NPTXR: variants seen among roughly 807,000 people sequenced by gnomAD.
NPTXR encodes the protein neuronal pentraxin receptor.
Under a neutral mutation model 32.2 loss-of-function variants are expected in NPTXR, and 12 were observed. The ratio of observed to expected loss-of-function variants is 0.37; its 90% CI spans 0.24 to 0.60. NPTXR has a LOEUF of 0.60. Ranked by LOEUF, NPTXR falls within the 20% of genes least tolerant of loss-of-function variation. NPTXR has a pLI of 0.66. For missense variants in NPTXR, 612 were observed against 682.9 expected, an observed-to-expected ratio of 0.90 and a Z score of 1.16; for synonymous variants, 323 against 315.8, an observed-to-expected ratio of 1.02 and a Z score of -0.24.
chr22:38,826,016 T>G, intron 3 of NPTXR, among the ~76,000 whole-genome samples: 1 of 152,092 alleles, frequency 6.6e-6, no homozygotes, highest in East Asian at 1.9e-4. Context: ...CTAATTTTTT[T>G]GTATTTTTAG....
At chr22:38,825,670 T>G (rs1237672544) in intron 3 of NPTXR, among the ~76,000 whole-genome samples, 2 of 151,910 alleles carry the variant, frequency 1.3e-5, no homozygotes, top group Admixed American at 1.3e-4. Flanking sequence ...GAACCAAGAC[T>G]CAAACCAGCA....
rs1232421458 is a variant in NPTXR, at chr22:38,843,873, C to T, written c.-15G>A. 9 of 990,166 alleles carry T rather than the reference C, an allele frequency of 9.1e-6. No individual in the cohort carries two copies. The highest frequency in any genetic ancestry group is 1.1e-5 in the Non-Finnish European group (9 of 835,774). 61.3% of individuals were successfully genotyped at this position (990,166 alleles called of 1,614,324 possible). On this transcript the variant is annotated 5_prime_UTR_variant, in exon 1 of 5. Transcript: ENST00000333039. This position sits in a 1 kb window ranked among gnomAD's most constrained non-coding sequence, Gnocchi z 5.3. ...AGGAACTTCAGCGTGAGGCGGGCGG[C>T]GGGGGCGCCCGAGGCCCCCGGCAGG...
chr22:38,822,494 G>T lies in NPTXR; in HGVS notation c.*115C>A. ...CAGGTGAGGGGAAATGGGAGGCACA[G>T]CCAGGAGTGGGGCAGGAGGGAAGGC... On this transcript the variant is annotated 3_prime_UTR_variant, in exon 5 of 5. Coordinates refer to ENST00000333039, the MANE Select transcript of NPTXR (RefSeq NM_014293.4). The T allele has an allele frequency of 2.3e-6, 2 of 879,352 alleles. No homozygotes were observed. The highest frequency in any genetic ancestry group is 3.6e-6 in the Non-Finnish European group (2 of 556,862). The allele number at this position is 879,352 out of a possible 1,614,324, so 54.5% of individuals were successfully genotyped here.
At chr22:38,832,839 C>T (rs1020356282) in intron 1 of NPTXR, among the ~76,000 whole-genome samples, 5 of 151,830 alleles carry the variant, frequency 3.3e-5, no homozygotes, top group Admixed American at 6.6e-5. Flanking sequence ...CTGCCTAACT[C>T]GAAGGCAAGC....
In NPTXR at chr22:38,843,479, T is replaced by TGCA. The variant is rs770429492; in HGVS notation, c.377_379dup (p.Leu126dup). On this transcript the variant is annotated inframe_insertion, in exon 1 of 5. Coordinates refer to ENST00000333039, the MANE Select transcript of NPTXR (RefSeq NM_014293.4). This position sits in a 1 kb window ranked among gnomAD's most constrained non-coding sequence, Gnocchi z 5.3. ...CTGGCGCAGCTGCTCGGCCGTGCTCTGCAGCAGCAGCAGCTCTTCGCGCTC... is the reference window on the plus strand; with the variant it reads ...CTGGCGCAGCTGCTCGGCCGTGCTCTGCAGCAGCAGCAGCAGCTCTTCGCGCTC... The TGCA allele has an allele frequency of 5.3e-6, 7 of 1,320,262 alleles. No homozygotes were observed. Among genetic ancestry groups the TGCA allele is most frequent in the Non-Finnish European group, 5.8e-6 (6 of 1,038,386 alleles). 81.8% of individuals were successfully genotyped at this position (1,320,262 alleles called of 1,614,324 possible).
At chr22:38,839,815 T>A (rs2093129431) in intron 1 of NPTXR, among the ~76,000 whole-genome samples, 1 of 152,110 alleles carries the variant, frequency 6.6e-6, no homozygotes. Context: ...AGAAACAACC[T>A]ACATCTCCAG....
In NPTXR at chr22:38,828,603, C is replaced by A. The variant is rs116466034; in HGVS notation, c.625-91G>T. The A allele has an allele frequency of 1.8e-3, 1,851 of 1,028,384 alleles. 19 individuals are homozygous for A. The African/African-American group carries it at 0.027, about 15-fold the overall frequency. The allele number at this position is 1,028,384 out of a possible 1,614,324, so 63.7% of individuals were successfully genotyped here. A position where few individuals can be genotyped will look rare whatever the true frequency, so the allele number is the denominator to read the frequency against. On this transcript the variant is annotated intron_variant, in intron 1 of 4. Coordinates refer to ENST00000333039, the MANE Select transcript of NPTXR (RefSeq NM_014293.4). ...TGCCTACCGCCCCTGCTCAGTGACC[C>A]CAGGGGAGCCTCAGCTTCCCCAGTA...
chr22:38,843,817 C>T lies in NPTXR; in HGVS notation c.42G>A (p.Ala14=). 9.8e-7 allele frequency: 1 copy of T among 1,019,254 alleles called. No individual in the cohort carries two copies. Among genetic ancestry groups the T allele is most frequent in the South Asian group, 3.9e-5 (1 of 25,654 alleles). The allele number at this position is 1,019,254 out of a possible 1,614,324, so 63.1% of individuals were successfully genotyped here. A position where few individuals can be genotyped will look rare whatever the true frequency, so the allele number is the denominator to read the frequency against. The change falls in exon 1 of 5, where the codon GCG becomes GCA. Residue 14 remains alanine (A), a synonymous_variant. Transcript: ENST00000333039. The surrounding 1 kb of genome is among the most constrained non-coding windows in gnomAD (Gnocchi z 5.3). ...TGATGCAGATGACGGCACCGAGGAA[C>T]GCCAGCATGCCCGCGGCCAGCAGCA... is the stretch of plus-strand genomic sequence containing the variant.
chr22:38,823,397 C>T, intron 3 of NPTXR, 135 bp from the exon 4 acceptor site: 1 of 699,358 alleles, frequency 1.4e-6, no homozygotes, highest in Non-Finnish European at 2.4e-6. Flanking sequence ...CCTCTCCATC[C>T]TCCTGCCCAG....
In NPTXR at chr22:38,823,076, G is replaced by A; in HGVS notation, c.1278+7C>T. 1 of 1,614,018 alleles carries A rather than the reference G, an allele frequency of 6.2e-7. No homozygotes were observed. The highest frequency in any genetic ancestry group is 1.3e-5 in the African/African-American group (1 of 75,030). ...AGGTCCAGCCCCAATATCAGCCTGA[G>A]CCTTACCTGCTCCTGGCCCAAGATA... is the stretch of plus-strand genomic sequence containing the variant. On this transcript the variant is annotated splice_region_variant and intron_variant, in intron 4 of 4. Transcript: ENST00000333039.
intron 3 of NPTXR, among the ~76,000 whole-genome samples, chr22:38,825,680 A>G (rs1340572598): frequency 6.6e-6 from 1 of 152,042 alleles, no homozygotes; most frequent in Non-Finnish European, 1.5e-5. Context: ...TCAAACCAGC[A>G]TTTGGGTCCC....
intron 1 of NPTXR, among the ~76,000 whole-genome samples, chr22:38,833,766 C>A (rs540409501): frequency 2.6e-5 from 4 of 152,072 alleles, no homozygotes; most frequent in Non-Finnish European, 4.4e-5. Flanking sequence ...GCTCCGCCCC[C>A]CTGGGGTTCA....
In NPTXR at chr22:38,834,859, G is replaced by A. The variant is rs1315875826; in HGVS notation, c.625-6347C>T. Among the ~76,000 whole-genome samples the A allele has an allele frequency of 1.3e-5, 2 of 152,142 alleles. No homozygotes were observed. The highest frequency in any genetic ancestry group is 4.8e-5 in the African/African-American group (2 of 41,410). The stretch of plus-strand genomic sequence containing the variant: ...AATGAAAGAACAGATATGAAGTGTG[G>A]TCAACCATAAGAGGCAGTACGTGGT... On this transcript the variant is annotated intron_variant, in intron 1 of 4. Transcript: ENST00000333039. The surrounding 1 kb of genome is among the most constrained non-coding windows in gnomAD (Gnocchi z 4.4).
intron 1 of NPTXR, among the ~76,000 whole-genome samples, chr22:38,833,244 A>G (rs2093119044): frequency 6.6e-6 from 1 of 152,174 alleles, no homozygotes; most frequent in South Asian, 2.1e-4. Flanking sequence ...GGACGGCCAG[A>G]CCACCAGGTT....
chr22:38,832,302 C>T (rs973312635), intron 1 of NPTXR, among the ~76,000 whole-genome samples: 1 of 152,218 alleles, frequency 6.6e-6, no homozygotes, highest in Non-Finnish European at 1.5e-5. Context: ...CGTGGGCTCC[C>T]GGCCCGATGC....
intron 3 of NPTXR, among the ~76,000 whole-genome samples, chr22:38,823,748 T>A (rs1472593806): frequency 6.6e-6 from 1 of 152,146 alleles, no homozygotes; most frequent in Non-Finnish European, 1.5e-5. Flanking sequence ...TCCTTATCTG[T>A]AAAGTGAGGT....
At chr22:38,837,489 C>T (rs367899376) in intron 1 of NPTXR, among the ~76,000 whole-genome samples, 22 of 152,256 alleles carry the variant, frequency 1.4e-4, no homozygotes, top group African/African-American at 5.3e-4. Flanking sequence ...CAGAGAAAAA[C>T]AAAGACAACC....
intron 1 of NPTXR, 120 bp from the exon 2 acceptor site, chr22:38,828,632 A>G (rs879307985): frequency 4.1e-5 from 30 of 736,298 alleles, no homozygotes; most frequent in Non-Finnish European, 6.4e-5. Context: ...CCCAGTATGC[A>G]AAATGGGAAT....
chr22:38,843,426 G>T lies in NPTXR; in HGVS notation c.433C>A (p.Arg145Ser). ...TCACGGATGGTGTCCTGGTCGGCGC[G>T]GATGCGCGCCTCCTGCTGCAGCGCC... The change falls in exon 1 of 5, where the codon CGC (arginine) becomes AGC (serine). Residue 145 changes from arginine (R) to serine (S), a missense_variant. Coordinates refer to ENST00000333039, the MANE Select transcript of NPTXR (RefSeq NM_014293.4). This position sits in a 1 kb window ranked among gnomAD's most constrained non-coding sequence, Gnocchi z 5.3. 1 of 1,391,530 alleles carries T rather than the reference G, an allele frequency of 7.2e-7. No homozygotes were observed. The highest frequency in any genetic ancestry group is 9.3e-7 in the Non-Finnish European group (1 of 1,079,756). The allele number at this position is 1,391,530 out of a possible 1,614,324, so 86.2% of individuals were successfully genotyped here. A position where few individuals can be genotyped will look rare whatever the true frequency, so the allele number is the denominator to read the frequency against.
Sources: gnomAD v4.1 joint callset for allele counts (sites outside exome capture counted in the v4.1 genomes callset) on GRCh38, gnomAD v4.1.1 for gene constraint, Gnocchi (gnomAD v3.1) non-coding constraint, MANE v1.5 for transcripts, NCBI Gene and HGNC (gene_info 2026-07-23, HGNC 2026-07-21) for gene names.